FUCA2: variants seen among roughly 807,000 people sequenced by gnomAD.
FUCA2 encodes the protein alpha-L-fucosidase 2.
In FUCA2, 41 loss-of-function variants were observed where a neutral mutation model predicts 52.6. The observed-to-expected ratio is 0.78, with a 90% CI of 0.61 to 1.01. The LOEUF (loss-of-function observed/expected upper bound fraction) is 1.01, where lower values mean the gene tolerates loss of function less well. Among genes scored for constraint, FUCA2 ranks in the 50% least tolerant of loss-of-function variants. The probability of loss-of-function intolerance (pLI) is 0.00; values close to 1 mark genes in which losing one functional copy is unlikely to be tolerated. For missense variants in FUCA2, 507 were observed against 569.5 expected, an observed-to-expected ratio of 0.89 and a Z score of 1.12; for synonymous variants, 211 against 217.3, an observed-to-expected ratio of 0.97 and a Z score of 0.26.
At chr6:143,508,121 C>G (rs1377675385) in intron 1 of FUCA2, among the ~76,000 whole-genome samples, 1 of 152,166 alleles carries the variant, frequency 6.6e-6, no homozygotes, top group African/African-American at 2.4e-5. Context: ...GTAGAGAACA[C>G]TTTGGAGGCA....
intron 2 of FUCA2, chr6:143,505,341 T>C (rs1780588441): frequency 1.4e-5 from 2 of 137,948 alleles, no homozygotes; most frequent in East Asian, 4.0e-4. Flanking sequence ...TTGAGACAGG[T>C]TCTGGCTCTG....
At position 143,507,662 on chromosome 6, in the gene FUCA2, TC is replaced by T. The variant is rs1399696570; in HGVS notation, c.225-239del. 2.6e-5 allele frequency among the ~76,000 whole-genome samples: 4 copies of T among 152,042 alleles called. No homozygotes were observed. Among genetic ancestry groups the T allele is most frequent in the Non-Finnish European group, 5.9e-5 (4 of 67,996 alleles). The stretch of plus-strand genomic sequence containing the variant: ...CATAAACTAGAGCATTCTAGGCAAC[TC>T]AGCTACCCATTCTCTCTTTTTTTTA... On this transcript the variant is annotated intron_variant, in intron 1 of 6. Coordinates refer to ENST00000002165, the MANE Select transcript of FUCA2 (RefSeq NM_032020.5). This position sits in a 1 kb window ranked among gnomAD's most constrained non-coding sequence, Gnocchi z 4.5.
In FUCA2 at chr6:143,511,458, G is replaced by A. The variant is rs769212130; in HGVS notation, c.177C>T (p.Ile59=). 6.2e-6 allele frequency: 10 copies of A among 1,610,916 alleles called. No homozygotes were observed. The South Asian group carries it at 1.0e-4, about 16-fold the overall frequency. The change falls in exon 1 of 7, where the codon ATC becomes ATT. Residue 59 remains isoleucine, a synonymous_variant. Coordinates refer to ENST00000002165, the MANE Select transcript of FUCA2 (RefSeq NM_032020.5). This position sits in a 1 kb window ranked among gnomAD's most constrained non-coding sequence, Gnocchi z 6.3. Reference sequence around the variant, plus strand: ...TGGGCACGGAAAACACTCCCCAGTGGATGAAGATGCCGAACTTGGCCTGGT... The same window carrying A: ...TGGGCACGGAAAACACTCCCCAGTGAATGAAGATGCCGAACTTGGCCTGGT... ...WFDQAKFGIF[I]HWGVFSVPSF...
chr6:143,497,578 G>A lies in FUCA2; in HGVS notation c.1155-81C>T. ...ACTATTTATGGATCAGGAACAATCT[G>A]GAATTATTTTACAGATACTTCCACA... On this transcript the variant is annotated intron_variant, in intron 5 of 6. Coordinates refer to ENST00000002165, the MANE Select transcript of FUCA2 (RefSeq NM_032020.5). This position sits in a 1 kb window ranked among gnomAD's most constrained non-coding sequence, Gnocchi z 5.3. 1 of 713,026 alleles carries A rather than the reference G, an allele frequency of 1.4e-6. No homozygotes were observed. 44.2% of individuals were successfully genotyped at this position (713,026 alleles called of 1,614,324 possible).
rs1309703769 is a variant in FUCA2 at position 143,495,134 on chromosome 6, A to G, written c.*573T>C. The G allele has an allele frequency of 2.6e-5, 4 of 152,112 alleles. No homozygotes were observed. The highest frequency in any genetic ancestry group is 6.6e-5 in the Admixed American group (1 of 15,262). 9.4% of individuals were successfully genotyped at this position (152,112 alleles called of 1,614,324 possible). A position where few individuals can be genotyped will look rare whatever the true frequency, so the allele number is the denominator to read the frequency against. ...ACAGTATTTTTACTGTACCTTCTCT[A>G]TGTTTCCATATGTTTCGATATACAA... On this transcript the variant is annotated 3_prime_UTR_variant, in exon 7 of 7. Transcript: ENST00000002165. This position sits in a 1 kb window ranked among gnomAD's most constrained non-coding sequence, Gnocchi z 5.2.
In FUCA2 at chr6:143,509,932, C is replaced by G. The variant is rs1240849401; in HGVS notation, c.224+1479G>C. ...GCACATTTTTAAAGGTAAAGAAACT[C>G]GAAAAATAGCAGGTGCATGAAGAGC... On this transcript the variant is annotated intron_variant, in intron 1 of 6. Coordinates refer to ENST00000002165, the MANE Select transcript of FUCA2 (RefSeq NM_032020.5). This position sits in a 1 kb window ranked among gnomAD's most constrained non-coding sequence, Gnocchi z 5.4. 6.6e-6 allele frequency among the ~76,000 whole-genome samples: 1 copy of G among 152,046 alleles called. No homozygotes were observed. The highest frequency in any genetic ancestry group is 2.4e-5 in the African/African-American group (1 of 41,380).
Position 143,507,754 on chromosome 6 carries a change from T to G in FUCA2, c.225-330A>C, listed in dbSNP as rs1244253997. ...ATGGAATCATGGTTCACTGCAACCT[T>G]GACCTCCTGTGCTCAAGCAATCCTC... On this transcript the variant is annotated intron_variant, in intron 1 of 6. Transcript: ENST00000002165. This position sits in a 1 kb window ranked among gnomAD's most constrained non-coding sequence, Gnocchi z 4.5. Among the ~76,000 whole-genome samples, 1 of 152,126 alleles carries G rather than the reference T, an allele frequency of 6.6e-6. No individual in the cohort carries two copies. The highest frequency in any genetic ancestry group is 1.5e-5 in the Non-Finnish European group (1 of 68,016).
In FUCA2 at chr6:143,504,011, G is replaced by T. The variant is rs1177757282; in HGVS notation, c.654C>A (p.Asn218Lys). Reference sequence around the variant, plus strand: ...ACCACAGAACCTCAGGCTGATAGTTGTTCACTAACTCATAGAGCTCTGGCA... The same window carrying T: ...ACCACAGAACCTCAGGCTGATAGTTTTTCACTAACTCATAGAGCTCTGGCA... ...KTLPELYELV[N>K]NYQPEVLWSD... The change falls in exon 3 of 7, where the codon AAC (asparagine) becomes AAA (lysine). Residue 218 changes from asparagine to lysine, a missense_variant. Physicochemically the swap from Asn to Lys is moderately conservative, Grantham distance 94. Coordinates refer to ENST00000002165, the MANE Select transcript of FUCA2 (RefSeq NM_032020.5). This position sits in a 1 kb window ranked among gnomAD's most constrained non-coding sequence, Gnocchi z 4.4. 5 of 1,614,006 alleles carry T rather than the reference G, an allele frequency of 3.1e-6. 1 individual carries two copies. Among genetic ancestry groups the T allele is most frequent in the South Asian group, 2.2e-5 (2 of 91,086 alleles).
In FUCA2 at chr6:143,495,242, C is replaced by G. The variant is rs1305829527; in HGVS notation, c.*465G>C. ...TAGGAGCAACAGTCTATACCATACA[C>G]ATTAGGTGTGTAGTAGGCTATGCCA... On this transcript the variant is annotated 3_prime_UTR_variant, in exon 7 of 7. Transcript: ENST00000002165. The surrounding 1 kb of genome is among the most constrained non-coding windows in gnomAD (Gnocchi z 5.2). 1 of 158,628 alleles carries G rather than the reference C, an allele frequency of 6.3e-6. No homozygotes were observed. The highest frequency in any genetic ancestry group is 1.4e-5 in the Non-Finnish European group (1 of 71,580). The allele number at this position is 158,628 out of a possible 1,614,324, so 9.8% of individuals were successfully genotyped here.
Position 143,500,379 on chromosome 6 carries a change from C to A in FUCA2, c.1154+1553G>T, listed in dbSNP as rs1208434200. On this transcript the variant is annotated intron_variant, in intron 5 of 6. Coordinates refer to ENST00000002165, the MANE Select transcript of FUCA2 (RefSeq NM_032020.5). This position sits in a 1 kb window ranked among gnomAD's most constrained non-coding sequence, Gnocchi z 6.9. Reference sequence around the variant, plus strand: ...GATGGCAGAATCCTTCAAACTGGAGCCGTGGAAGGGGTTCAGTTATTGGTA... The same window carrying A: ...GATGGCAGAATCCTTCAAACTGGAGACGTGGAAGGGGTTCAGTTATTGGTA... Among the ~76,000 whole-genome samples, 1 of 151,960 alleles carries A rather than the reference C, an allele frequency of 6.6e-6. No homozygotes were observed. The highest frequency in any genetic ancestry group is 1.5e-5 in the Non-Finnish European group (1 of 68,004).
intron 2 of FUCA2, chr6:143,506,476 G>A (rs1468185021): frequency 6.6e-6 from 1 of 152,054 alleles, no homozygotes; most frequent in Non-Finnish European, 1.5e-5. Context: ...TTACAGACAT[G>A]AGCGACCACA....
In FUCA2 at chr6:143,499,617, GAACT is replaced by G. The variant is rs1033056677; in HGVS notation, c.1155-2124_1155-2121del. Among the ~76,000 whole-genome samples, 13 of 152,254 alleles carry G rather than the reference GAACT, an allele frequency of 8.5e-5. No homozygotes were observed. Among genetic ancestry groups the G allele is most frequent in the African/African-American group, 2.4e-4 (10 of 41,548 alleles). On this transcript the variant is annotated intron_variant, in intron 5 of 6. Transcript: ENST00000002165. The surrounding 1 kb of genome is among the most constrained non-coding windows in gnomAD (Gnocchi z 6.0). ...GAAAAATGAGATGAAATCAGCAAAGGAACTAACTAAGAAGGAAGAGCCAAAAGGT... is the reference window on the plus strand; with the variant it reads ...GAAAAATGAGATGAAATCAGCAAAGGAACTAAGAAGGAAGAGCCAAAAGGT...
chr6:143,495,540 AT>A lies in FUCA2; in HGVS notation c.*166del, dbSNP rs1459458336. 1.7e-6 allele frequency: 1 copy of A among 600,616 alleles called. No homozygotes were observed. The highest frequency in any genetic ancestry group is 2.8e-6 in the Non-Finnish European group (1 of 363,202). The allele number at this position is 600,616 out of a possible 1,614,324, so 37.2% of individuals were successfully genotyped here. On this transcript the variant is annotated 3_prime_UTR_variant, in exon 7 of 7. Coordinates refer to ENST00000002165, the MANE Select transcript of FUCA2 (RefSeq NM_032020.5). The surrounding 1 kb of genome is among the most constrained non-coding windows in gnomAD (Gnocchi z 5.2). ...TGCACTGGAGAGTTAAAATGGTTACATGGGTAATTTAAGAAAAAATTTAGTG... is the reference window on the plus strand; with the variant it reads ...TGCACTGGAGAGTTAAAATGGTTACAGGGTAATTTAAGAAAAAATTTAGTG...
chr6:143,504,322 T>C lies in FUCA2; in HGVS notation c.413-70A>G. The stretch of plus-strand genomic sequence containing the variant: ...TTTAGTAAATTTCAACCCACACAAA[T>C]GCCCAAACAAATCACATAGTACATG... On this transcript the variant is annotated intron_variant, in intron 2 of 6. Coordinates refer to ENST00000002165, the MANE Select transcript of FUCA2 (RefSeq NM_032020.5). This position sits in a 1 kb window ranked among gnomAD's most constrained non-coding sequence, Gnocchi z 4.4. The C allele has an allele frequency of 1.5e-6, 2 of 1,316,438 alleles. No individual in the cohort carries two copies. Among genetic ancestry groups the C allele is most frequent in the South Asian group, 2.8e-5 (2 of 72,332 alleles). The allele number at this position is 1,316,438 out of a possible 1,614,324, so 81.5% of individuals were successfully genotyped here. A position where few individuals can be genotyped will look rare whatever the true frequency, so the allele number is the denominator to read the frequency against.
Position 143,511,531 on chromosome 6 carries a change from T to C in FUCA2, c.104A>G (p.Asp35Gly). The part of the protein sequence containing the change: ...PCPAHSATRF[D>G]PTWESLDARQ... The stretch of plus-strand genomic sequence containing the variant: ...GGCGTCCAGGGACTCCCAGGTGGGG[T>C]CGAAGCGCGTGGCGCTGTGGGCAGG... The change falls in exon 1 of 7, where the codon GAC becomes GGC. Residue 35 changes from aspartate to glycine, a missense_variant. Coordinates refer to ENST00000002165, the MANE Select transcript of FUCA2 (RefSeq NM_032020.5). The surrounding 1 kb of genome is among the most constrained non-coding windows in gnomAD (Gnocchi z 6.3). 1 of 1,586,704 alleles carries C rather than the reference T, an allele frequency of 6.3e-7. No homozygotes were observed. The highest frequency in any genetic ancestry group is 1.8e-5 in the Admixed American group (1 of 55,702).
rs1383685186 is a variant in FUCA2 at position 143,501,706 on chromosome 6, G to A, written c.1154+226C>T. ...TTCAGCCAAAATTTGTCCACTACTG[G>A]GAGATACCTAGAAATGATGTAAGCT... is the stretch of plus-strand genomic sequence containing the variant. On this transcript the variant is annotated intron_variant, in intron 5 of 6. Coordinates refer to ENST00000002165, the MANE Select transcript of FUCA2 (RefSeq NM_032020.5). This position sits in a 1 kb window ranked among gnomAD's most constrained non-coding sequence, Gnocchi z 6.1. Among the ~76,000 whole-genome samples the A allele has an allele frequency of 6.6e-6, 1 of 152,018 alleles. No homozygotes were observed. Among genetic ancestry groups the A allele is most frequent in the African/African-American group, 2.4e-5 (1 of 41,364 alleles).
chr6:143,511,466 T>C lies in FUCA2; in HGVS notation c.169A>G (p.Ile57Val), dbSNP rs762179871. 2.5e-6 allele frequency: 4 copies of C among 1,610,118 alleles called. No individual in the cohort carries two copies. The South Asian group carries it at 4.4e-5, about 18-fold the overall frequency. Residue 57 changes from isoleucine to valine, a missense_variant, in exon 1 of 7, where the codon ATC (isoleucine) becomes GTC (valine). Coordinates refer to ENST00000002165, the MANE Select transcript of FUCA2 (RefSeq NM_032020.5). This position sits in a 1 kb window ranked among gnomAD's most constrained non-coding sequence, Gnocchi z 6.3. Reference protein sequence around the residue: ...PAWFDQAKFGIFIHWGVFSVP... With the variant: ...PAWFDQAKFGVFIHWGVFSVP... ...GAAAACACTCCCCAGTGGATGAAGATGCCGAACTTGGCCTGGTCAAACCAC... is the reference window on the plus strand; with the variant it reads ...GAAAACACTCCCCAGTGGATGAAGACGCCGAACTTGGCCTGGTCAAACCAC...
intron 6 of FUCA2, chr6:143,496,627 A>G (rs2128421355): frequency 6.6e-6 from 1 of 152,340 alleles, no homozygotes; most frequent in South Asian, 2.1e-4. Flanking sequence ...GTTATAAAAT[A>G]TATCAGAATG....
chr6:143,511,285 A>T lies in FUCA2; in HGVS notation c.224+126T>A. The stretch of plus-strand genomic sequence containing the variant: ...CGGAAGTGCGAAACGCGGGTAACGC[A>T]GTGGGAGGTGAAACCGACGAGGGTG... On this transcript the variant is annotated intron_variant, in intron 1 of 6. Coordinates refer to ENST00000002165, the MANE Select transcript of FUCA2 (RefSeq NM_032020.5). The surrounding 1 kb of genome is among the most constrained non-coding windows in gnomAD (Gnocchi z 6.3). 1.3e-6 allele frequency: 1 copy of T among 767,486 alleles called. No individual in the cohort carries two copies. Among genetic ancestry groups the T allele is most frequent in the Non-Finnish European group, 2.0e-6 (1 of 494,288 alleles). 47.5% of individuals were successfully genotyped at this position (767,486 alleles called of 1,614,324 possible).
Sources: gnomAD v4.1 joint callset for allele counts (sites outside exome capture counted in the v4.1 genomes callset) on GRCh38, gnomAD v4.1.1 for gene constraint, Gnocchi (gnomAD v3.1) non-coding constraint, MANE v1.5 for transcripts, NCBI Gene and HGNC (gene_info 2026-07-23, HGNC 2026-07-21) for gene names.